Variants in JCAD observed in about 807,000 individuals in gnomAD.
JCAD encodes junctional cadherin 5-associated protein.
Under a neutral mutation model 98.0 loss-of-function variants are expected in JCAD, and 40 were observed. That is an observed-to-expected ratio of 0.41 (90% confidence interval 0.32 to 0.53). The LOEUF (loss-of-function observed/expected upper bound fraction) is 0.53. Among genes scored for constraint, JCAD ranks in the 20% least tolerant of loss-of-function variants. JCAD has a pLI of 0.31. For missense variants in JCAD, 1,705 were observed against 1,738.1 expected, an observed-to-expected ratio of 0.98 and a Z score of 0.34; for synonymous variants, 691 against 682.3, an observed-to-expected ratio of 1.01 and a Z score of -0.20.
chr10:30,040,191 G>A (rs947925385), intron 2 of JCAD, among the ~76,000 whole-genome samples: 1 of 152,108 alleles, frequency 6.6e-6, no homozygotes, highest in African/African-American at 2.4e-5. Flanking sequence ...AAAGAGTGAC[G>A]TAGCTGACTG....
Position 30,027,114 on chromosome 10 carries a change from CAG to C in JCAD, c.3032_3033del (p.Ser1011CysfsTer5). On this transcript the variant is annotated frameshift_variant, in exon 3 of 4. Transcript: ENST00000375377. LOFTEE classifies it high-confidence loss of function. ...ESPKITSAFSSVKPSEAVPRK... is the reference protein window; with the variant it reads ...ESPKITSAFSXVKPSEAVPRK... ...CGAGGGACCGCTTCACTTGGTTTCA[CAG>C]AGCTGAAAGCACTGGTGATTTTCGG... The C allele has an allele frequency of 6.2e-7, 1 of 1,614,218 alleles. No individual in the cohort carries two copies. Among genetic ancestry groups the C allele is most frequent in the Non-Finnish European group, 8.5e-7 (1 of 1,180,020 alleles).
intron 1 of JCAD, among the ~76,000 whole-genome samples, chr10:30,111,536 G>T (rs1588662651): frequency 1.3e-5 from 2 of 152,082 alleles, no homozygotes; most frequent in African/African-American, 4.8e-5. Context: ...TCTTCATGAG[G>T]CTTTCATAGT....
intron 1 of JCAD, among the ~76,000 whole-genome samples, chr10:30,082,787 G>A (rs1435855480): frequency 1.4e-5 from 2 of 148,124 alleles, no homozygotes; most frequent in Non-Finnish European, 3.0e-5. Flanking sequence ...GGATGTGGAG[G>A]TTGCGGTGAG....
intron 1 of JCAD, among the ~76,000 whole-genome samples, chr10:30,080,801 G>C (rs371889838): frequency 6.6e-6 from 1 of 152,046 alleles, no homozygotes. Flanking sequence ...ACTGAAGTCC[G>C]GGAGCTATCC....
chr10:30,015,284 T>C lies in JCAD; in HGVS notation c.*2599A>G, dbSNP rs945231253. ...GACAAATACAAAATATAGAAACTTTTTCTTCCAGCCACAAAAAACGAAGTT... is the reference window on the plus strand; with the variant it reads ...GACAAATACAAAATATAGAAACTTTCTCTTCCAGCCACAAAAAACGAAGTT... On this transcript the variant is annotated 3_prime_UTR_variant, in exon 4 of 4. Coordinates refer to ENST00000375377, the MANE Select transcript of JCAD (RefSeq NM_020848.4). 4.6e-5 allele frequency: 7 copies of C among 152,180 alleles called. No individual in the cohort carries two copies. The highest frequency in any genetic ancestry group is 1.4e-4 in the African/African-American group (6 of 41,440). The allele number at this position is 152,180 out of a possible 1,614,324, so 9.4% of individuals were successfully genotyped here.
In JCAD at chr10:30,047,654, G is replaced by A. The variant is rs761054678; in HGVS notation, c.159C>T (p.Ala53=). 1.9e-6 allele frequency: 3 copies of A among 1,614,218 alleles called. No individual in the cohort carries two copies. The South Asian group carries it at 3.3e-5, about 18-fold the overall frequency. Residue 53 remains alanine, a synonymous_variant, in exon 2 of 4, where the codon GCC becomes GCT. Coordinates refer to ENST00000375377, the MANE Select transcript of JCAD (RefSeq NM_020848.4). Reference sequence around the variant, plus strand: ...CCGCGGACGTCTTACGATGTGCGAGGGCCGCAGGGCCATCCTCATGCCCGT... The same window carrying A: ...CCGCGGACGTCTTACGATGTGCGAGAGCCGCAGGGCCATCCTCATGCCCGT... ...LQNGHEDGPA[A]LAHRKTSAGK...
At chr10:30,089,577 G>C (rs763936374) in intron 1 of JCAD, among the ~76,000 whole-genome samples, 63 of 151,326 alleles carry the variant, frequency 4.2e-4, no homozygotes, top group Admixed American at 9.9e-4. Context: ...GTCAGGGATG[G>C]AAATGTTGGA....
intron 1 of JCAD, among the ~76,000 whole-genome samples, chr10:30,054,779 C>G (rs1248785923): frequency 6.6e-6 from 1 of 151,610 alleles, no homozygotes; most frequent in Non-Finnish European, 1.5e-5. Context: ...ACGCCATTCT[C>G]CTGCCTCAGC....
chr10:30,031,611 T>G (rs1018926278), intron 2 of JCAD, among the ~76,000 whole-genome samples: 4 of 150,604 alleles, frequency 2.7e-5, no homozygotes, highest in African/African-American at 9.8e-5. Flanking sequence ...CCGGCTAATT[T>G]TTGTATTTTT....
At chr10:30,055,481 T>C (rs888108111) in intron 1 of JCAD, among the ~76,000 whole-genome samples, 2 of 152,220 alleles carry the variant, frequency 1.3e-5, no homozygotes, top group African/African-American at 4.8e-5. Flanking sequence ...GGTAGAATTG[T>C]GTATTTTACT....
exon 1 of JCAD, chr10:30,115,470 G>T (rs1226808624): frequency 6.6e-6 from 1 of 152,138 alleles, no homozygotes; most frequent in Non-Finnish European, 1.5e-5. Context: ...ATCCTCCTCC[G>T]ATAGCAGCTC....
intron 1 of JCAD, among the ~76,000 whole-genome samples, chr10:30,111,298 T>A (rs528367328): frequency 3.9e-5 from 6 of 152,140 alleles, no homozygotes; most frequent in South Asian, 2.1e-4. Flanking sequence ...TTCAAAAAAA[T>A]TTTTTTTAGA....
Position 30,027,600 on chromosome 10 carries a change from T to C in JCAD, c.2548A>G (p.Ser850Gly). ...CTGCTGCTGCTGCTGCTGCTGCTAC[T>C]GCTGCTTTCTTCCTCTTCCTGGAGC... ...KELQEEEESS[S>G]SSSSSSSSSE... Residue 850 changes from serine (S) to glycine (G), a missense_variant, in exon 3 of 4, where the codon AGT becomes GGT. Physicochemically the swap from Ser to Gly is moderately conservative, Grantham distance 56. Transcript: ENST00000375377. 3 of 1,614,276 alleles carry C rather than the reference T, an allele frequency of 1.9e-6. No individual in the cohort carries two copies. Among genetic ancestry groups the C allele is most frequent in the Non-Finnish European group, 1.7e-6 (2 of 1,180,052 alleles).
intron 1 of JCAD, among the ~76,000 whole-genome samples, chr10:30,092,841 C>G (rs1396328585): frequency 6.6e-6 from 1 of 152,132 alleles, no homozygotes; most frequent in African/African-American, 2.4e-5. Context: ...AGGAACCTCG[C>G]TTACTGCTTA....
chr10:30,024,402 G>T (rs1281981711), intron 3 of JCAD, among the ~76,000 whole-genome samples: 3 of 152,120 alleles, frequency 2.0e-5, no homozygotes, highest in Admixed American at 2.0e-4. Context: ...CATATTTTTT[G>T]AGGAGGAAGG....
chr10:30,044,782 A>G (rs1837303397), intron 2 of JCAD: 1 of 978,684 alleles, frequency 1.0e-6, no homozygotes, highest in Admixed American at 6.5e-5. Context: ...CTTCATGCCT[A>G]CCTTTCTGTT....
chr10:30,113,242 C>T (rs913091026), intron 1 of JCAD, among the ~76,000 whole-genome samples: 4 of 151,896 alleles, frequency 2.6e-5, no homozygotes, highest in Non-Finnish European at 5.9e-5. Flanking sequence ...TATGAAACCT[C>T]GGTGAGGTAC....
At chr10:30,040,114 T>A (rs1279316515) in intron 2 of JCAD, among the ~76,000 whole-genome samples, 1 of 152,066 alleles carries the variant, frequency 6.6e-6, no homozygotes, top group Non-Finnish European at 1.5e-5. Flanking sequence ...TGTCTGAAGG[T>A]GATGATTATT....
At chr10:30,095,710 A>C (rs1838356513) in intron 1 of JCAD, among the ~76,000 whole-genome samples, 1 of 152,140 alleles carries the variant, frequency 6.6e-6, no homozygotes, top group Admixed American at 6.5e-5. Context: ...CTCATCTTAG[A>C]ATCGTGAGTG....
Sources: allele counts gnomAD v4.1 joint callset (sites outside exome capture counted in the v4.1 genomes callset), GRCh38; gene constraint gnomAD v4.1.1; transcripts MANE v1.5; gene names NCBI Gene and HGNC (gene_info 2026-07-23, HGNC 2026-07-21).